The following SEC24A variants were observed in gnomAD, a reference collection of about 807,000 sequenced individuals.
SEC24A encodes protein transport protein Sec24A.
Under a neutral mutation model 129.4 loss-of-function variants are expected in SEC24A, and 93 were observed. That is an observed-to-expected ratio of 0.72 (90% CI 0.61 to 0.85). The LOEUF (loss-of-function observed/expected upper bound fraction) is 0.85. Among genes scored for constraint, SEC24A ranks in the 40% least tolerant of loss-of-function variants. The pLI is 0.00. For missense variants in SEC24A, 1,264 were observed against 1,307.4 expected, an observed-to-expected ratio of 0.97 and a Z score of 0.51; for synonymous variants, 460 against 467.3, an observed-to-expected ratio of 0.98 and a Z score of 0.20.
chr5:134,651,409 C>T (rs989460134), intron 1 of SEC24A, among the ~76,000 whole-genome samples: 1 of 150,954 alleles, frequency 6.6e-6, no homozygotes, highest in African/African-American at 2.4e-5. Context: ...ATTCTCGTGC[C>T]TCAGCCTCCC....
Position 134,674,676 on chromosome 5 carries a change from C to T in SEC24A, c.879C>T (p.Pro293=), listed in dbSNP as rs781481579. The T allele has an allele frequency of 2.5e-6, 4 of 1,613,658 alleles. No homozygotes were observed. In the East Asian group the frequency reaches 8.9e-5, roughly 36 times the overall value. ...GCCGAAGTGTTGGATATTCATATCC[C>T]TCCTTACCACCTGGTTATCAGAACA... ...KMSRSVGYSY[P]SLPPGYQNTT... The change falls in exon 5 of 23, where the codon CCC becomes CCT. Residue 293 remains proline (P), a synonymous_variant. Coordinates refer to ENST00000398844, the MANE Select transcript of SEC24A (RefSeq NM_021982.3).
intron 15 of SEC24A, among the ~76,000 whole-genome samples, chr5:134,698,292 T>C (rs910339143): frequency 3.3e-5 from 5 of 152,110 alleles, no homozygotes; most frequent in Non-Finnish European, 7.4e-5. Flanking sequence ...GTGTGAATTA[T>C]CTCAGTTTTT....
chr5:134,661,029 T>C, intron 1 of SEC24A, 90 bp from the exon 2 acceptor site: 1 of 922,266 alleles, frequency 1.1e-6, no homozygotes, highest in Non-Finnish European at 1.7e-6. Context: ...GTGTTTTTAT[T>C]GCTGACTGTA....
At chr5:134,699,276 A>G (rs1454794929) in intron 15 of SEC24A, among the ~76,000 whole-genome samples, 3 of 149,136 alleles carry the variant, frequency 2.0e-5, no homozygotes, top group South Asian at 2.1e-4. Context: ...TAAAATATAT[A>G]TAACATAAGC....
At chr5:134,679,209 C>T (rs1751175688) in intron 7 of SEC24A, among the ~76,000 whole-genome samples, 1 of 151,886 alleles carries the variant, frequency 6.6e-6, no homozygotes, top group East Asian at 1.9e-4. Context: ...CAACCCAGCT[C>T]ACCACACTGG....
chr5:134,661,491 C>A lies in SEC24A; in HGVS notation c.470C>A (p.Ser157Tyr), dbSNP rs377078280. 7.4e-6 allele frequency: 12 copies of A among 1,614,174 alleles called. No individual in the cohort carries two copies. The highest frequency in any genetic ancestry group is 5.0e-5 in the Admixed American group (3 of 59,992). ...ACAAACCATTGTCCTCGTGCATCATCCCAACCAACTGTATCTGGAAATACA... is the reference window on the plus strand; with the variant it reads ...ACAAACCATTGTCCTCGTGCATCATACCAACCAACTGTATCTGGAAATACA... ...SQTNHCPRAS[S>Y]QPTVSGNTSL... Residue 157 changes from serine to tyrosine, a missense_variant, in exon 2 of 23, where the codon TCC becomes TAC. By Grantham distance (144) the Ser-to-Tyr change is moderately radical (BLOSUM62 -2). Coordinates refer to ENST00000398844, the MANE Select transcript of SEC24A (RefSeq NM_021982.3).
In SEC24A at chr5:134,723,610, T is replaced by C. The variant is rs768454848; in HGVS notation, c.3107T>C (p.Ile1036Thr). ...GATACACCAGAATCTGCCAGAATAA[T>C]AGCTTTCATCTCTTGGCTTAGAGAG... Reference protein sequence around the residue: ...ELDTPESARIIAFISWLREQR... With the variant: ...ELDTPESARITAFISWLREQR... The change falls in exon 22 of 23, where the codon ATA becomes ACA. Residue 1036 changes from isoleucine to threonine, a missense_variant. Physicochemically the swap from Ile to Thr is moderately conservative, Grantham distance 89 (BLOSUM62 -1). Coordinates refer to ENST00000398844, the MANE Select transcript of SEC24A (RefSeq NM_021982.3). 25 of 1,613,552 alleles carry C rather than the reference T, an allele frequency of 1.5e-5. No homozygotes were observed. The Admixed American group carries it at 4.2e-4, about 27-fold the overall frequency.
At position 134,682,367 on chromosome 5, in the gene SEC24A, A is replaced by G. The variant is rs1751305297; in HGVS notation, c.1382-6A>G. ...TTTCAATATGTGTATTGTTAACTTT[A>G]TATAGTTCCTGAAGAATTCTTGTAC... On this transcript the variant is annotated splice_polypyrimidine_tract_variant and splice_region_variant and intron_variant, in intron 8 of 22. Transcript: ENST00000398844. 6.7e-7 allele frequency: 1 copy of G among 1,486,666 alleles called. No homozygotes were observed. Among genetic ancestry groups the G allele is most frequent in the African/African-American group, 1.4e-5 (1 of 72,010 alleles). The allele number at this position is 1,486,666 out of a possible 1,614,324, so 92.1% of individuals were successfully genotyped here. A position where few individuals can be genotyped will look rare whatever the true frequency, so the allele number is the denominator to read the frequency against.
At chr5:134,724,959 T>G (rs1243005068) in intron 22 of SEC24A, 21 bp from the exon 23 acceptor site, 6 of 1,258,532 alleles carry the variant, frequency 4.8e-6, no homozygotes, top group Non-Finnish European at 5.8e-6. Flanking sequence ...TATCTAAATT[T>G]TTTTGCCTTT....
At chr5:134,657,573 T>C (rs187451790) in intron 1 of SEC24A, among the ~76,000 whole-genome samples, 101 of 152,220 alleles carry the variant, frequency 6.6e-4, no homozygotes, top group African/African-American at 2.3e-3. Context: ...TGTTAAATTA[T>C]TTATTTATTT....
intron 7 of SEC24A, among the ~76,000 whole-genome samples, chr5:134,678,163 C>T (rs776009234): frequency 1.2e-4 from 18 of 152,038 alleles, no homozygotes; most frequent in African/African-American, 1.7e-4. Flanking sequence ...GTAAGTGGTA[C>T]TGTAGGCATT....
intron 21 of SEC24A, 128 bp from the exon 22 acceptor site, chr5:134,723,439 G>A: frequency 1.7e-6 from 1 of 585,368 alleles, no homozygotes; most frequent in Non-Finnish European, 3.0e-6. Context: ...ACTCCAGCCT[G>A]TCAACAGAGG....
intron 22 of SEC24A, among the ~76,000 whole-genome samples, chr5:134,724,737 T>G (rs1660932065): frequency 1.3e-5 from 2 of 152,352 alleles, no homozygotes. Context: ...CTGATTTCAA[T>G]TCCTTTGGAT....
intron 15 of SEC24A, among the ~76,000 whole-genome samples, chr5:134,699,301 C>CGTTTTTTTTTTTTT (rs1429369613): frequency 2.2e-5 from 3 of 138,366 alleles, no homozygotes; most frequent in African/African-American, 8.3e-5. Flanking sequence ...CCATTTTATC[C>CGTTTTTTTTTTTTT]TTTTTTTTTT....
intron 19 of SEC24A, among the ~76,000 whole-genome samples, chr5:134,717,617 A>G (rs908872748): frequency 6.6e-6 from 1 of 151,982 alleles, no homozygotes; most frequent in Admixed American, 6.6e-5. Context: ...CATCTTCTTT[A>G]TATGTAAATA....
chr5:134,689,810 T>TA (rs1346010393), intron 11 of SEC24A, among the ~76,000 whole-genome samples: 1 of 151,690 alleles, frequency 6.6e-6, no homozygotes, highest in Non-Finnish European at 1.5e-5. Flanking sequence ...TATTCAGCCT[T>TA]AAAAAAACAA....
rs1035152394 is a variant in SEC24A, at chr5:134,715,234, G to T, written c.2865+73G>T. 10 of 1,259,438 alleles carry T rather than the reference G, an allele frequency of 7.9e-6. No individual in the cohort carries two copies. In the African/African-American group the frequency reaches 1.1e-4, roughly 14 times the overall value. The allele number at this position is 1,259,438 out of a possible 1,614,324, so 78.0% of individuals were successfully genotyped here. Reference sequence around the variant, plus strand: ...TAATCATAGTCCAGTACAGAAATGAGGAAGGGTTTGTTTATTATTTAAGGC... The same window carrying T: ...TAATCATAGTCCAGTACAGAAATGATGAAGGGTTTGTTTATTATTTAAGGC... On this transcript the variant is annotated intron_variant, in intron 19 of 22. Coordinates refer to ENST00000398844, the MANE Select transcript of SEC24A (RefSeq NM_021982.3).
In SEC24A at chr5:134,661,106, C is replaced by T. The variant is rs1201148708; in HGVS notation, c.98-13C>T. The T allele has an allele frequency of 1.3e-6, 2 of 1,549,302 alleles. No individual in the cohort carries two copies. Among genetic ancestry groups the T allele is most frequent in the Non-Finnish European group, 1.7e-6 (2 of 1,147,750 alleles). On this transcript the variant is annotated splice_polypyrimidine_tract_variant and intron_variant, in intron 1 of 22. Transcript: ENST00000398844. ...TCGTTGGTAAGACTAATTTTTCCTC[C>T]TTTTATTGGAAGGTCCTGTCCAAAA...
chr5:134,670,193 G>C (rs577101641), intron 3 of SEC24A, among the ~76,000 whole-genome samples: 1 of 152,312 alleles, frequency 6.6e-6, no homozygotes, highest in African/African-American at 2.4e-5. Flanking sequence ...CCAAAGTGCT[G>C]GGATTACAGG....
Sources: gnomAD v4.1 joint callset for allele counts (sites outside exome capture counted in the v4.1 genomes callset) on GRCh38, gnomAD v4.1.1 for gene constraint, MANE v1.5 for transcripts, NCBI Gene and HGNC (gene_info 2026-07-23, HGNC 2026-07-21) for gene names.